Variants in CACNA1E observed in about 807,000 individuals in gnomAD.
The protein encoded by CACNA1E is calcium voltage-gated channel subunit alpha1 E.
In CACNA1E, 40 loss-of-function variants were observed where a neutral mutation model predicts 259.2. The ratio of observed to expected loss-of-function variants is 0.15; its 90% CI spans 0.12 to 0.20. CACNA1E has a LOEUF of 0.20. Ranked by LOEUF, CACNA1E falls within the 10% of genes least tolerant of loss-of-function variation. The pLI is 1.00. For synonymous variants in CACNA1E, 1,104 were observed against 1,138.5 expected, an observed-to-expected ratio of 0.97 and a Z score of 0.61; for missense variants, 1,874 against 3,040.1, an observed-to-expected ratio of 0.62 and a Z score of 9.02.
intron 13 of CACNA1E, 73 bp from the exon 14 acceptor site, chr1:181,720,133 A>G: frequency 1.9e-6 from 3 of 1,547,242 alleles, no homozygotes; most frequent in African/African-American, 1.4e-5. Context: ...ACTACCAGGC[A>G]TATGCTGAGC....
intron 3 of CACNA1E, among the ~76,000 whole-genome samples, chr1:181,548,546 G>A (rs1647780967): frequency 6.6e-6 from 1 of 152,194 alleles, no homozygotes; most frequent in Non-Finnish European, 1.5e-5. Flanking sequence ...ATGGCCCGTA[G>A]GCTGCTTTGT....
At chr1:181,744,442 T>C (rs2102620569) in intron 25 of CACNA1E, among the ~76,000 whole-genome samples, 1 of 152,310 alleles carries the variant, frequency 6.6e-6, no homozygotes, top group East Asian at 1.9e-4. Context: ...GTTCCGGATT[T>C]GCTTGTGGGA....
intron 3 of CACNA1E, among the ~76,000 whole-genome samples, chr1:181,574,654 G>T (rs1035193350): frequency 6.6e-6 from 1 of 152,186 alleles, no homozygotes; most frequent in Non-Finnish European, 1.5e-5. Flanking sequence ...CTAGGATGTG[G>T]TTAGGGCAGT....
intron 25 of CACNA1E, among the ~76,000 whole-genome samples, chr1:181,745,602 G>A (rs746696174): frequency 2.0e-5 from 3 of 152,018 alleles, no homozygotes; most frequent in Non-Finnish European, 2.9e-5. Context: ...AACTTGAGTC[G>A]GAAGACTTCA....
At chr1:181,690,610 A>G (rs148196998) in intron 7 of CACNA1E, among the ~76,000 whole-genome samples, 18,358 of 152,198 alleles carry the variant, frequency 0.12, 1,143 homozygotes, top group Admixed American at 0.16. Flanking sequence ...ATCCAAGAGC[A>G]TGGAATATTT....
chr1:181,424,529 C>T (rs1370181684), intron 2 of CACNA1E, among the ~76,000 whole-genome samples: 1 of 152,208 alleles, frequency 6.6e-6, no homozygotes, highest in Non-Finnish European at 1.5e-5. Context: ...CAGTGGAGAC[C>T]GCCTGTGACA....
chr1:181,558,708 A>G (rs1286723799), intron 3 of CACNA1E, among the ~76,000 whole-genome samples: 1 of 152,222 alleles, frequency 6.6e-6, no homozygotes. Context: ...TAAAGTCAGC[A>G]TGGAAGGATT....
chr1:181,592,038 G>A (rs1652700131), intron 6 of CACNA1E, among the ~76,000 whole-genome samples: 2 of 152,054 alleles, frequency 1.3e-5, no homozygotes, highest in African/African-American at 4.8e-5. Flanking sequence ...AACCTTGAGT[G>A]TACACTCTTG....
chr1:181,537,028 A>T (rs957811860), intron 3 of CACNA1E, among the ~76,000 whole-genome samples: 3 of 151,422 alleles, frequency 2.0e-5, no homozygotes, highest in Non-Finnish European at 4.4e-5. Flanking sequence ...ACTTGTGGTG[A>T]CATGCCTACA....
At chr1:181,787,326 G>A (rs1377168239) in intron 43 of CACNA1E, among the ~76,000 whole-genome samples, 1 of 152,080 alleles carries the variant, frequency 6.6e-6, no homozygotes, top group Non-Finnish European at 1.5e-5. Flanking sequence ...TAGCCAGGAT[G>A]GTCTCGATCT....
chr1:181,676,336 T>C lies in CACNA1E; in HGVS notation c.1055+24895T>C, dbSNP rs1033477498. Among the ~76,000 whole-genome samples the C allele has an allele frequency of 2.6e-5, 4 of 152,328 alleles. No homozygotes were observed. The South Asian group carries it at 8.3e-4, about 32-fold the overall frequency. On this transcript the variant is annotated intron_variant, in intron 7 of 47. Coordinates refer to ENST00000367573, the MANE Select transcript of CACNA1E (RefSeq NM_001205293.3). ...CTTGTCCTGGTTCAAGTCGTGTTCA[T>C]GTTTTCCTCATTATAATGGCCAGGA...
chr1:181,739,776 T>C (rs955509058), intron 25 of CACNA1E, among the ~76,000 whole-genome samples: 1 of 152,156 alleles, frequency 6.6e-6, no homozygotes, highest in Non-Finnish European at 1.5e-5. Context: ...CCTAATAATA[T>C]GTGTAATCTC....
intron 23 of CACNA1E, 103 bp from the exon 24 acceptor site, chr1:181,738,264 C>A: frequency 1.1e-6 from 1 of 875,808 alleles, no homozygotes; most frequent in Non-Finnish European, 1.9e-6. Context: ...GGGTGAGGGC[C>A]AGGGTGGGCG....
intron 1 of CACNA1E, among the ~76,000 whole-genome samples, chr1:181,318,287 C>T (rs1650057466): frequency 6.6e-6 from 1 of 152,112 alleles, no homozygotes; most frequent in African/African-American, 2.4e-5. Context: ...TGGCCCTAAC[C>T]TTCTCGGAAT....
At chr1:181,467,900 G>A (rs1184908410) in intron 2 of CACNA1E, among the ~76,000 whole-genome samples, 2 of 152,222 alleles carry the variant, frequency 1.3e-5, no homozygotes, top group Non-Finnish European at 2.9e-5. Flanking sequence ...AGTGGGGGAA[G>A]TATATCTGGT....
At chr1:181,792,722 G>C (rs1045083387) in intron 44 of CACNA1E, among the ~76,000 whole-genome samples, 1 of 152,134 alleles carries the variant, frequency 6.6e-6, no homozygotes, top group Non-Finnish European at 1.5e-5. Context: ...AGCTTTTTCT[G>C]GTACGATCTC....
intron 32 of CACNA1E, among the ~76,000 whole-genome samples, chr1:181,760,071 G>T (rs1658441486): frequency 6.6e-6 from 1 of 152,136 alleles, no homozygotes; most frequent in African/African-American, 2.4e-5. Context: ...CTGAGCAGGG[G>T]GAGCTGAGAG....
chr1:181,334,814 T>C (rs1230424102), intron 1 of CACNA1E, among the ~76,000 whole-genome samples: 2 of 151,898 alleles, frequency 1.3e-5, no homozygotes, highest in Admixed American at 1.3e-4. Flanking sequence ...AGTCAGGGGG[T>C]CTCACTCCTC....
intron 6 of CACNA1E, among the ~76,000 whole-genome samples, chr1:181,641,905 G>A (rs1047527898): frequency 1.3e-5 from 2 of 151,662 alleles, no homozygotes; most frequent in African/African-American, 4.8e-5. Context: ...GTAGAGACGG[G>A]GTTTCACCAT....
Sources: allele counts gnomAD v4.1 joint callset (sites outside exome capture counted in the v4.1 genomes callset), GRCh38; gene constraint gnomAD v4.1.1; transcripts MANE v1.5; gene names NCBI Gene and HGNC (gene_info 2026-07-23, HGNC 2026-07-21).